The following ARHGAP8 variants were observed in gnomAD, a reference collection of about 807,000 sequenced individuals.
The protein encoded by ARHGAP8 is rho GTPase-activating protein 8.
A neutral mutation model predicts 46.1 loss-of-function variants in ARHGAP8; 62 were observed. That is an observed-to-expected ratio of 1.34 (90% confidence interval 1.10 to 1.66). The LOEUF (loss-of-function observed/expected upper bound fraction) is 1.66. Among genes scored for constraint, ARHGAP8 ranks in the 40% most tolerant of loss-of-function variants. ARHGAP8 has a pLI of 0.00. For missense variants in ARHGAP8, 923 were observed against 568.4 expected (o/e 1.62, Z -6.34); for synonymous variants, 375 against 243.1 (o/e 1.54, Z -5.05).
At chr22:44,753,203 C>G (rs564645464) in intron 1 of ARHGAP8, among the ~76,000 whole-genome samples, 4 of 151,940 alleles carry the variant, frequency 2.6e-5, no homozygotes, top group African/African-American at 9.7e-5. Flanking sequence ...CGGTGGAACC[C>G]CCCGGGAGTT....
chr22:44,848,840 G>C (rs2070024531), intron 9 of ARHGAP8, 92 bp from the exon 10 acceptor site: 6 of 1,575,732 alleles, frequency 3.8e-6, no homozygotes, highest in Non-Finnish European at 5.2e-6. Context: ...GTCCCATCCG[G>C]ACATCTCACG....
intron 1 of ARHGAP8, among the ~76,000 whole-genome samples, chr22:44,757,287 T>C (rs1399865039): frequency 6.6e-6 from 1 of 152,092 alleles, no homozygotes; most frequent in African/African-American, 2.4e-5. Flanking sequence ...TAATTTTTTT[T>C]TTTTTTTGAG....
intron 4 of ARHGAP8, among the ~76,000 whole-genome samples, chr22:44,812,199 A>G (rs1457339999): frequency 1.3e-5 from 2 of 152,008 alleles, no homozygotes; most frequent in Admixed American, 1.3e-4. Context: ...TTGCCTCACC[A>G]AAGAGCTCCT....
chr22:44,846,461 G>A (rs1030365059), intron 8 of ARHGAP8, among the ~76,000 whole-genome samples: 7 of 152,160 alleles, frequency 4.6e-5, no homozygotes, highest in East Asian at 1.9e-4. Context: ...TGTGCTGGGC[G>A]GGGGCCTGGG....
In ARHGAP8 at chr22:44,847,677, G is replaced by A. The variant is rs974231273; in HGVS notation, c.671-296G>A. On this transcript the variant is annotated intron_variant, in intron 8 of 11. Transcript: ENST00000356099. ...ATGGCCTTATTCTGTAGATAAACAA[G>A]GCAGATAGGCTCAGAGAGGCCGAGA... 1.2e-4 allele frequency among the ~76,000 whole-genome samples: 19 copies of A among 152,242 alleles called. 1 individual carries two copies. Among genetic ancestry groups the A allele is most frequent in the Admixed American group, 5.9e-4 (9 of 15,282 alleles).
rs113162278 is a variant in ARHGAP8, at chr22:44,862,230, C to G, written c.982-45C>G. ...CGGGAGGGAGTTCCAGGTGCCCGTG[C>G]CCCTTGGTGTTCACTCCCCTTTACT... is the stretch of plus-strand genomic sequence containing the variant. On this transcript the variant is annotated intron_variant, in intron 11 of 11. Coordinates refer to ENST00000356099, the MANE Select transcript of ARHGAP8 (RefSeq NM_181335.3). 1.8e-5 allele frequency: 28 copies of G among 1,543,344 alleles called. No homozygotes were observed. The African/African-American group carries it at 2.3e-4, about 13-fold the overall frequency.
intron 2 of ARHGAP8, among the ~76,000 whole-genome samples, chr22:44,794,012 G>C (rs1404681680): frequency 2.6e-5 from 4 of 152,292 alleles, no homozygotes; most frequent in South Asian, 2.1e-4. Flanking sequence ...GCCTCAGTGC[G>C]GGGCATGCGC....
chr22:44,787,917 T>TC (rs1927379516), intron 2 of ARHGAP8, among the ~76,000 whole-genome samples: 1 of 132,840 alleles, frequency 7.5e-6, no homozygotes, highest in Non-Finnish European at 1.6e-5. Flanking sequence ...GCCCCAAATG[T>TC]CCTTTTTTTT....
intron 7 of ARHGAP8, among the ~76,000 whole-genome samples, chr22:44,833,826 C>T (rs185565457): frequency 9.1e-4 from 138 of 152,152 alleles, no homozygotes; most frequent in Middle Eastern, 3.4e-3. Context: ...CTAATGTAAC[C>T]TCTTTGCTTG....
chr22:44,794,564 G>T (rs1343374876), intron 2 of ARHGAP8, among the ~76,000 whole-genome samples: 2 of 152,070 alleles, frequency 1.3e-5, no homozygotes, highest in Non-Finnish European at 2.9e-5. Flanking sequence ...CAAAAAATTA[G>T]CCAGGCATGG....
At position 44,783,764 on chromosome 22, in the gene ARHGAP8, G is replaced by A. The variant is rs568962815; in HGVS notation, c.-71-2693G>A. Reference sequence around the variant, plus strand: ...CCTGGGCTGAGGTCAAGGCGTTGGCGGCCGGCTGTACCTCCGGAGGCTCCA... The same window carrying A: ...CCTGGGCTGAGGTCAAGGCGTTGGCAGCCGGCTGTACCTCCGGAGGCTCCA... On this transcript the variant is annotated intron_variant, in intron 1 of 11. Transcript: ENST00000356099. Among the ~76,000 whole-genome samples, 220 of 152,206 alleles carry A rather than the reference G, an allele frequency of 1.4e-3. 3 individuals are homozygous for A. Among genetic ancestry groups the A allele is most frequent in the East Asian group, 1.2e-3 (6 of 5,164 alleles).
intron 2 of ARHGAP8, among the ~76,000 whole-genome samples, chr22:44,795,864 C>T (rs73889772): frequency 0.019 from 2,892 of 152,276 alleles, 88 homozygotes; most frequent in African/African-American, 0.064. Flanking sequence ...TCCCCCACCC[C>T]AGGTGGCACC....
In ARHGAP8 at chr22:44,825,540, A is replaced by T. The variant is rs1343754744; in HGVS notation, c.543A>T (p.Thr181=). The change falls in exon 7 of 12, where the codon ACA becomes ACT. Residue 181 remains threonine (T), a synonymous_variant. Transcript: ENST00000356099. ...GCCGGACGCCGCCTCCCACCAAGAC[A>T]CCACCGCCGCGGCCCCCGCTGCCCA... is the stretch of plus-strand genomic sequence containing the variant. ...HEGRTPPPTK[T]PPPRPPLPTQ... is the part of the protein sequence containing the mutation. 3 of 1,613,114 alleles carry T rather than the reference A, an allele frequency of 1.9e-6. No individual in the cohort carries two copies. The highest frequency in any genetic ancestry group is 2.5e-6 in the Non-Finnish European group (3 of 1,179,784).
chr22:44,790,748 T>C (rs1345536495), intron 2 of ARHGAP8, among the ~76,000 whole-genome samples: 2 of 150,746 alleles, frequency 1.3e-5, no homozygotes, highest in East Asian at 2.0e-4. Context: ...TTTTTTTTTT[T>C]TGGAGACGGA....
At chr22:44,766,403 CGT>C (rs199946393) in intron 1 of ARHGAP8, among the ~76,000 whole-genome samples, 10 of 151,608 alleles carry the variant, frequency 6.6e-5, no homozygotes, top group Admixed American at 3.9e-4. Context: ...TGTGTGGGCA[CGT>C]GTGTGTGTGC....
chr22:44,861,536 C>G (rs1462638777), intron 11 of ARHGAP8, among the ~76,000 whole-genome samples: 1 of 152,174 alleles, frequency 6.6e-6, no homozygotes, highest in Non-Finnish European at 1.5e-5. Context: ...GAGGGTGGTG[C>G]CTGGCCCTGC....
At chr22:44,834,756 T>C (rs1422504945) in intron 7 of ARHGAP8, among the ~76,000 whole-genome samples, 1 of 152,196 alleles carries the variant, frequency 6.6e-6, no homozygotes, top group Non-Finnish European at 1.5e-5. Flanking sequence ...CAATTATGTC[T>C]GTTTTGGCTC....
intron 1 of ARHGAP8, among the ~76,000 whole-genome samples, chr22:44,760,389 G>A (rs1416228844): frequency 1.3e-5 from 2 of 152,138 alleles, no homozygotes; most frequent in East Asian, 1.9e-4. Flanking sequence ...CCCAGGAGTC[G>A]CTGGCCAGTG....
At chr22:44,760,172 C>G (rs1406861331) in intron 1 of ARHGAP8, among the ~76,000 whole-genome samples, 1 of 152,156 alleles carries the variant, frequency 6.6e-6, no homozygotes, top group African/African-American at 2.4e-5. Context: ...CTTGCGCATG[C>G]CGTCTTGCCA....
Sources: allele counts gnomAD v4.1 joint callset (sites outside exome capture counted in the v4.1 genomes callset), GRCh38; gene constraint gnomAD v4.1.1; transcripts MANE v1.5; gene names NCBI Gene and HGNC (gene_info 2026-07-23, HGNC 2026-07-21).